EDDM13: variants seen among roughly 807,000 people sequenced by gnomAD.
The protein encoded by EDDM13 is epididymal protein 13.
EDDM13 carries 24 observed loss-of-function variants against 17.8 expected under a neutral mutation model. That is an observed-to-expected ratio of 1.35 (90% CI 0.98 to 1.90). The LOEUF is 1.90. Among genes scored for constraint, EDDM13 ranks in the 40% most tolerant of loss-of-function variants. The pLI is 0.00. For synonymous variants in EDDM13, 31 were observed against 37.5 expected, an observed-to-expected ratio of 0.83 and a Z score of 0.63; for missense variants, 97 against 100.8, an observed-to-expected ratio of 0.96 and a Z score of 0.16.
rs376421523 is a variant in EDDM13, at chr19:56,301,858, C to T, written c.296-110C>T. The T allele has an allele frequency of 6.7e-5, 80 of 1,199,992 alleles. No individual in the cohort carries two copies. The African/African-American group carries it at 1.1e-3, about 17-fold the overall frequency. The allele number at this position is 1,199,992 out of a possible 1,614,324, so 74.3% of individuals were successfully genotyped here. A position where few individuals can be genotyped will look rare whatever the true frequency, so the allele number is the denominator to read the frequency against. On this transcript the variant is annotated intron_variant, in intron 12 of 14. Coordinates refer to ENST00000649256, the MANE Select transcript of EDDM13 (RefSeq NM_001354658.2). The stretch of plus-strand genomic sequence containing the variant: ...TGGACCAAAATTTCAATTCAGGAGG[C>T]AGGCAGAGATGTGAGTTTGGAGATC...
intron 14 of EDDM13, among the ~76,000 whole-genome samples, chr19:56,307,714 C>G (rs1281182789): frequency 6.6e-6 from 1 of 152,114 alleles, no homozygotes; most frequent in Non-Finnish European, 1.5e-5. Flanking sequence ...CAATTTTTTC[C>G]CCAAGGTCTG....
intron 5 of EDDM13, among the ~76,000 whole-genome samples, chr19:56,284,470 A>G (rs573970182): frequency 1.4e-5 from 1 of 73,096 alleles, no homozygotes; most frequent in Admixed American, 1.8e-4. Context: ...AAACAGAGAT[A>G]AGTAAACAGA....
chr19:56,297,094 G>A (rs114646403), intron 11 of EDDM13, among the ~76,000 whole-genome samples: 10 of 151,934 alleles, frequency 6.6e-5, no homozygotes, highest in African/African-American at 1.2e-4. Context: ...TTTAAAGGGC[G>A]ATCAGGGAAC....
At chr19:56,277,405 C>T (rs1015369721) in intron 2 of EDDM13, among the ~76,000 whole-genome samples, 4 of 152,100 alleles carry the variant, frequency 2.6e-5, no homozygotes, top group African/African-American at 2.4e-5. Flanking sequence ...GCCTTGAAAA[C>T]ATTATTCTCA....
intron 2 of EDDM13, among the ~76,000 whole-genome samples, chr19:56,279,257 G>A (rs1415775422): frequency 6.6e-6 from 1 of 151,996 alleles, no homozygotes; most frequent in African/African-American, 2.4e-5. Flanking sequence ...TCTGCTCCAA[G>A]TCACATGGAA....
At chr19:56,291,740 C>CT (rs199855659) in intron 9 of EDDM13, among the ~76,000 whole-genome samples, 18 of 149,270 alleles carry the variant, frequency 1.2e-4, no homozygotes, top group South Asian at 8.5e-4. Flanking sequence ...TTTTGACCAT[C>CT]TTTTTTTTTT....
chr19:56,310,444 GT>G lies in EDDM13; in HGVS notation c.*298del, dbSNP rs1254838083. On this transcript the variant is annotated 3_prime_UTR_variant, in exon 15 of 15. Coordinates refer to ENST00000649256, the MANE Select transcript of EDDM13 (RefSeq NM_001354658.2). ...TACTTCCATAATAAAATGTATACTTGTTGAAATGGCTGAAAAGGCTGGGTTA... is the reference window on the plus strand; with the variant it reads ...TACTTCCATAATAAAATGTATACTTGTGAAATGGCTGAAAAGGCTGGGTTA... 6.6e-6 allele frequency: 1 copy of G among 152,240 alleles called. No individual in the cohort carries two copies. Among genetic ancestry groups the G allele is most frequent in the Non-Finnish European group, 1.5e-5 (1 of 68,038 alleles). The allele number at this position is 152,240 out of a possible 1,614,324, so 9.4% of individuals were successfully genotyped here.
intron 8 of EDDM13, among the ~76,000 whole-genome samples, chr19:56,289,930 G>T (rs954964820): frequency 1.3e-5 from 2 of 152,148 alleles, no homozygotes; most frequent in African/African-American, 2.4e-5. Context: ...AATGTTTCTT[G>T]TACCTCTAAT....
At position 56,274,327 on chromosome 19, in the gene EDDM13, G is replaced by A. The variant is rs534173691; in HGVS notation, c.85+1408G>A. The stretch of plus-strand genomic sequence containing the variant: ...AAATTATCCAGGCATGGTAGTAGGG[G>A]CCTGTAATCCCAGCTACTCAGGAAG... On this transcript the variant is annotated intron_variant, in intron 1 of 14. Transcript: ENST00000649256. 4.6e-4 allele frequency among the ~76,000 whole-genome samples: 70 copies of A among 152,098 alleles called. 1 individual carries two copies. In the South Asian group the frequency reaches 0.014, roughly 31 times the overall value.
intron 2 of EDDM13, 138 bp from the exon 3 acceptor site, chr19:56,281,555 G>A (rs2038708444): frequency 3.5e-5 from 10 of 289,292 alleles, no homozygotes; most frequent in African/African-American, 4.5e-5. Flanking sequence ...ATAACAACAG[G>A]CAAATAAATG....
intron 2 of EDDM13, among the ~76,000 whole-genome samples, chr19:56,277,407 T>C (rs2038347039): frequency 6.6e-6 from 1 of 152,156 alleles, no homozygotes; most frequent in South Asian, 2.1e-4. Flanking sequence ...CTTGAAAACA[T>C]TATTCTCAGT....
chr19:56,302,529 CCTCTTCT>C (rs779702029), intron 13 of EDDM13, among the ~76,000 whole-genome samples: 8 of 92,548 alleles, frequency 8.6e-5, no homozygotes, highest in Non-Finnish European at 1.0e-4. Flanking sequence ...TCCCTCCCTC[CCTCTTCT>C]TCCTCCCCGT....
chr19:56,300,227 GA>G (rs528180778), intron 12 of EDDM13, among the ~76,000 whole-genome samples: 11 of 150,010 alleles, frequency 7.3e-5, no homozygotes, highest in East Asian at 1.9e-4. Flanking sequence ...TGCAAAGACA[GA>G]AAAAAAAAAT....
At chr19:56,285,169 T>C (rs540626359) in intron 6 of EDDM13, 145 bp downstream of exon 6, 1 of 261,976 alleles carries the variant, frequency 3.8e-6, no homozygotes, top group African/African-American at 2.3e-5. Flanking sequence ...TGAACTTTGA[T>C]GTAATGAAAA....
rs2040578400 is a variant in EDDM13 at position 56,304,834 on chromosome 19, T to C, written c.461+4T>C. 2 of 983,616 alleles carry C rather than the reference T, an allele frequency of 2.0e-6. No individual in the cohort carries two copies. The highest frequency in any genetic ancestry group is 3.5e-5 in the African/African-American group (2 of 57,206). The allele number at this position is 983,616 out of a possible 1,614,324, so 60.9% of individuals were successfully genotyped here. Reference sequence around the variant, plus strand: ...GTAACTTGGAACTGGACATCAGGTATGCTATGGCAGGGAAGTGGGCTTTTC... The same window carrying C: ...GTAACTTGGAACTGGACATCAGGTACGCTATGGCAGGGAAGTGGGCTTTTC... On this transcript the variant is annotated splice_donor_region_variant and intron_variant, in intron 14 of 14. Coordinates refer to ENST00000649256, the MANE Select transcript of EDDM13 (RefSeq NM_001354658.2).
At chr19:56,291,212 G>A (rs1398585697) in intron 9 of EDDM13, among the ~76,000 whole-genome samples, 1 of 152,180 alleles carries the variant, frequency 6.6e-6, no homozygotes, top group African/African-American at 2.4e-5. Context: ...AACCAAAGAG[G>A]GGCACCTTGC....
chr19:56,301,294 G>A (rs1427998335), intron 12 of EDDM13, among the ~76,000 whole-genome samples: 2 of 152,186 alleles, frequency 1.3e-5, no homozygotes, highest in Admixed American at 6.5e-5. Flanking sequence ...GAGTTTTCCA[G>A]GGAAGGAGTG....
intron 14 of EDDM13, 85 bp from the exon 15 acceptor site, chr19:56,310,039 G>A (rs1029667061): frequency 1.3e-5 from 2 of 152,372 alleles, no homozygotes; most frequent in African/African-American, 4.8e-5. Context: ...CTGTAGAGGT[G>A]GATGGAGAGG....
intron 11 of EDDM13, among the ~76,000 whole-genome samples, chr19:56,296,992 C>T (rs913495979): frequency 3.3e-5 from 5 of 151,998 alleles, no homozygotes; most frequent in African/African-American, 1.2e-4. Context: ...TCACTTGAAC[C>T]TGGGAAGCAG....
Sources: allele counts gnomAD v4.1 joint callset (sites outside exome capture counted in the v4.1 genomes callset), GRCh38; gene constraint gnomAD v4.1.1; transcripts MANE v1.5; gene names NCBI Gene and HGNC (gene_info 2026-07-23, HGNC 2026-07-21).